The following RAD52 variants were observed in gnomAD, a reference collection of about 807,000 sequenced individuals.
RAD52 encodes DNA repair protein RAD52 homolog.
Under a neutral mutation model 55.5 loss-of-function variants are expected in RAD52, and 47 were observed. The observed-to-expected ratio is 0.85, with a 90% confidence interval of 0.67 to 1.08. The LOEUF (loss-of-function observed/expected upper bound fraction) is 1.08. Among genes scored for constraint, RAD52 ranks in the 50% least tolerant of loss-of-function variants. The pLI is 0.00. For synonymous variants in RAD52, 184 were observed against 198.9 expected, an observed-to-expected ratio of 0.92 and a Z score of 0.63; for missense variants, 468 against 522.8, an observed-to-expected ratio of 0.90 and a Z score of 1.02.
intron 7 of RAD52, 41 bp downstream of exon 7, chr12:925,409 T>G (rs1305857377): frequency 1.3e-6 from 2 of 1,530,156 alleles, no homozygotes; most frequent in African/African-American, 2.7e-5. Context: ...CACAAGAGTT[T>G]GCCGCATTAT....
chr12:914,421 A>C lies in RAD52; in HGVS notation c.967+10T>G. 1 of 1,613,728 alleles carries C rather than the reference A, an allele frequency of 6.2e-7. No homozygotes were observed. On this transcript the variant is annotated intron_variant, in intron 10 of 11. Transcript: ENST00000358495. ...AGCACAGTAGCTTACAAGCATTTCA[A>C]GGTATTTACTGATTAATTCTTGAGT...
intron 1 of RAD52, among the ~76,000 whole-genome samples, chr12:969,326 A>T (rs1426514245): frequency 3.9e-5 from 6 of 152,078 alleles, no homozygotes; most frequent in Admixed American, 3.9e-4. Flanking sequence ...ATGAGAACTG[A>T]TTCATACCAA....
intron 1 of RAD52, among the ~76,000 whole-genome samples, chr12:979,331 C>T (rs560228016): frequency 3.3e-5 from 5 of 152,160 alleles, no homozygotes; most frequent in African/African-American, 1.2e-4. Context: ...ATCCCAGCTA[C>T]TTGGGAGGCT....
chr12:924,433 T>G (rs1392184006), intron 7 of RAD52, among the ~76,000 whole-genome samples: 1 of 152,116 alleles, frequency 6.6e-6, no homozygotes. Context: ...TAACAAAATA[T>G]TAGCAAACTG....
In RAD52 at chr12:968,470, C is replaced by G. The variant is rs537984857; in HGVS notation, c.-19+21339G>C. Among the ~76,000 whole-genome samples the G allele has an allele frequency of 3.3e-5, 5 of 152,140 alleles. No individual in the cohort carries two copies. In the East Asian group the frequency reaches 9.6e-4, roughly 29 times the overall value. ...TGTCTGGTGCTTCCCGGGAAGACCC[C>G]ACTTGCAAGGCTGCCTTTATTTAAC... is the stretch of plus-strand genomic sequence containing the variant. On this transcript the variant is annotated intron_variant, in intron 1 of 11. Coordinates refer to the RAD52 transcript ENST00000430095.
At chr12:931,026 G>GT (rs1363033207) in intron 3 of RAD52, among the ~76,000 whole-genome samples, 194 bp downstream of exon 3, 1 of 152,016 alleles carries the variant, frequency 6.6e-6, no homozygotes, top group African/African-American at 2.4e-5. Context: ...GGTTATGCGA[G>GT]TGTCAAGACC....
chr12:925,907 G>T (rs1041047812), intron 6 of RAD52, among the ~76,000 whole-genome samples: 1 of 152,008 alleles, frequency 6.6e-6, no homozygotes, highest in African/African-American at 2.4e-5. Flanking sequence ...CTTGGGGACC[G>T]GGGGCTCAAG....
At chr12:932,028 A>T (rs1479452672) in intron 2 of RAD52, among the ~76,000 whole-genome samples, 3 of 152,208 alleles carry the variant, frequency 2.0e-5, no homozygotes, top group African/African-American at 7.2e-5. Context: ...TGTCCCTACA[A>T]GGAATAGGAC....
intron 7 of RAD52, among the ~76,000 whole-genome samples, chr12:923,438 C>G (rs1014392172): frequency 1.3e-5 from 2 of 151,814 alleles, no homozygotes; most frequent in Non-Finnish European, 2.9e-5. Flanking sequence ...TAGTCCCAGC[C>G]ACCTGAGAGG....
rs1253678403 is a variant in RAD52 at position 911,769 on chromosome 12, A to ACTT, written c.*1619_*1621dup. 2.0e-5 allele frequency among the ~76,000 whole-genome samples: 3 copies of ACTT among 152,164 alleles called. No individual in the cohort carries two copies. The highest frequency in any genetic ancestry group is 7.2e-5 in the African/African-American group (3 of 41,430). On this transcript the variant is annotated 3_prime_UTR_variant, in exon 12 of 12. Coordinates refer to ENST00000358495, the MANE Select transcript of RAD52 (RefSeq NM_134424.4). ...AATGGCTCATGCCTATAATTCTAGT[A>ACTT]CTTTTTACTTTGGGAGGCCGAGGTG...
chr12:989,864 G>A (rs141470661), exon 1 of RAD52: 4 of 152,348 alleles, frequency 2.6e-5, no homozygotes, highest in African/African-American at 9.6e-5. Context: ...AGATGAGAAA[G>A]GTCATGAAAA....
chr12:931,180 G>T (rs1300740002), intron 3 of RAD52, 40 bp downstream of exon 3: 2 of 1,520,508 alleles, frequency 1.3e-6, no homozygotes, highest in Non-Finnish European at 1.8e-6. Flanking sequence ...CGGAGTCTGC[G>T]GTATGGATGC....
intron 1 of RAD52, among the ~76,000 whole-genome samples, chr12:964,544 A>AAAC (rs1341445031): frequency 6.6e-6 from 1 of 151,844 alleles, no homozygotes; most frequent in African/African-American, 2.4e-5. Flanking sequence ...CTCCATCTCA[A>AAAC]AACAACAACA....
At chr12:969,283 A>G (rs1315197136) in intron 1 of RAD52, among the ~76,000 whole-genome samples, 1 of 152,034 alleles carries the variant, frequency 6.6e-6, no homozygotes, top group Non-Finnish European at 1.5e-5. Flanking sequence ...CATCCCAGGA[A>G]CACCAGTCAA....
intron 1 of RAD52, among the ~76,000 whole-genome samples, chr12:968,599 G>C (rs1255729290): frequency 6.6e-6 from 1 of 152,128 alleles, no homozygotes; most frequent in Non-Finnish European, 1.5e-5. Context: ...TCCTGCCTGA[G>C]TAGTGGGTGA....
intron 1 of RAD52, among the ~76,000 whole-genome samples, chr12:944,962 C>A (rs775883317): frequency 2.0e-5 from 3 of 151,844 alleles, no homozygotes; most frequent in Admixed American, 6.6e-5. Context: ...AGGTCAAGAA[C>A]GGCTTGATGA....
intron 1 of RAD52, among the ~76,000 whole-genome samples, chr12:968,444 C>G (rs1958799045): frequency 6.6e-6 from 1 of 152,050 alleles, no homozygotes; most frequent in Non-Finnish European, 1.5e-5. Flanking sequence ...AGTTATTTGT[C>G]TGTCTGGTGC....
chr12:964,961 G>GCCTTCCTT lies in RAD52; in HGVS notation c.-19+24847_-19+24848insAAGGAAGG, dbSNP rs201644340. Among the ~76,000 whole-genome samples the GCCTTCCTT allele has an allele frequency of 1.1e-4, 8 of 73,984 alleles. No individual in the cohort carries two copies. The East Asian group carries it at 1.8e-3, about 16-fold the overall frequency. 48.5% of individuals were successfully genotyped at this position (73,984 alleles called of 152,430 possible). On this transcript the variant is annotated intron_variant, in intron 1 of 11. Coordinates refer to the RAD52 transcript ENST00000430095. ...TATACTCATCTTTGCCTGCCCGCCT[G>GCCTTCCTT]CCTGCCTTCCTTCCTTCCTTTTTGA...
intron 1 of RAD52, among the ~76,000 whole-genome samples, chr12:934,083 CAG>C (rs1431820346): frequency 7.0e-6 from 1 of 143,162 alleles, no homozygotes; most frequent in African/African-American, 2.6e-5. Flanking sequence ...GCCTGGGTGA[CAG>C]AGTGTCTGAC....
Sources: allele counts gnomAD v4.1 joint callset (sites outside exome capture counted in the v4.1 genomes callset), GRCh38; gene constraint gnomAD v4.1.1; transcripts MANE v1.5; gene names NCBI Gene and HGNC (gene_info 2026-07-23, HGNC 2026-07-21).